Variants in MAP3K7CL observed in about 807,000 individuals in gnomAD.
MAP3K7CL encodes MAP3K7 C-terminal like, also known as MAP3K7 C-terminal-like protein.
A neutral mutation model predicts 18.6 loss-of-function variants in MAP3K7CL; 16 were observed. That is an observed-to-expected ratio of 0.86 (90% CI 0.58 to 1.31). MAP3K7CL has a LOEUF of 1.31. Among genes scored for constraint, MAP3K7CL ranks in the 50% most tolerant of loss-of-function variants. The pLI is 0.00. For synonymous variants in MAP3K7CL, 65 were observed against 66.8 expected, an observed-to-expected ratio of 0.97 and a Z score of 0.13; for missense variants, 163 against 174.4, an observed-to-expected ratio of 0.93 and a Z score of 0.37.
intron 4 of MAP3K7CL, among the ~76,000 whole-genome samples, chr21:29,172,713 A>G (rs749642833): frequency 3.3e-5 from 5 of 151,866 alleles, no homozygotes; most frequent in African/African-American, 4.8e-5. Context: ...TTTGTGTTCA[A>G]TTTTTTTTAA....
chr21:29,085,999 G>C, intron 1 of MAP3K7CL: 1 of 1,488,524 alleles, frequency 6.7e-7, no homozygotes, highest in South Asian at 1.1e-5. Context: ...TGGGAAAAAT[G>C]TAGGAAAGAA....
At chr21:29,147,627 AC>A (rs1221625817) in intron 2 of MAP3K7CL, among the ~76,000 whole-genome samples, 4 of 151,048 alleles carry the variant, frequency 2.6e-5, no homozygotes, top group East Asian at 2.0e-4. Flanking sequence ...ATGTATCTGT[AC>A]TATACCTGTA....
At chr21:29,137,489 G>A (rs1880454218) in intron 2 of MAP3K7CL, among the ~76,000 whole-genome samples, 1 of 152,184 alleles carries the variant, frequency 6.6e-6, no homozygotes. Context: ...AGGGCAGGTA[G>A]AGTATAGAGG....
chr21:29,094,419 G>A (rs1456772534), intron 4 of MAP3K7CL, among the ~76,000 whole-genome samples: 1 of 152,204 alleles, frequency 6.6e-6, no homozygotes, highest in Non-Finnish European at 1.5e-5. Flanking sequence ...GTCTAGGGTG[G>A]GGCCTAAGTA....
chr21:29,096,513 G>T (rs2086124751), intron 4 of MAP3K7CL, among the ~76,000 whole-genome samples: 1 of 152,218 alleles, frequency 6.6e-6, no homozygotes, highest in Admixed American at 6.5e-5. Context: ...TTTAAGCTGA[G>T]ATCTGAAGGC....
At chr21:29,166,882 G>C (rs2087702044) in intron 4 of MAP3K7CL, among the ~76,000 whole-genome samples, 1 of 152,108 alleles carries the variant, frequency 6.6e-6, no homozygotes, top group Non-Finnish European at 1.5e-5. Flanking sequence ...TACAATTTTT[G>C]AGGTAGACCT....
At chr21:29,151,351 G>A (rs1227626838) in intron 3 of MAP3K7CL, among the ~76,000 whole-genome samples, 4 of 151,948 alleles carry the variant, frequency 2.6e-5, no homozygotes, top group Non-Finnish European at 5.9e-5. Context: ...CAGCTACTAG[G>A]GAGGCTGAGG....
intron 4 of MAP3K7CL, among the ~76,000 whole-genome samples, chr21:29,118,603 C>A (rs1601186352): frequency 6.6e-6 from 1 of 152,296 alleles, no homozygotes; most frequent in Non-Finnish European, 1.5e-5. Context: ...AATGACTACA[C>A]AGACAAGGTG....
chr21:29,096,993 C>T (rs2832172), intron 4 of MAP3K7CL, among the ~76,000 whole-genome samples: 26,718 of 152,128 alleles, frequency 0.18, 2,716 homozygotes, highest in South Asian at 0.23. Flanking sequence ...TTTAAAATCT[C>T]GGCTAAGAAC....
chr21:29,091,356 G>T, intron 1 of MAP3K7CL: 111 of 488,374 alleles, frequency 2.3e-4, no homozygotes, highest in Non-Finnish European at 3.2e-4. Context: ...TTAAAAAATA[G>T]AATGTTTTTA....
intron 4 of MAP3K7CL, among the ~76,000 whole-genome samples, chr21:29,112,163 T>C (rs1225812464): frequency 6.6e-6 from 1 of 152,068 alleles, no homozygotes; most frequent in Admixed American, 6.5e-5. Flanking sequence ...CCAGGTGTGG[T>C]GGCGTGCACC....
chr21:29,143,433 T>G (rs954568556), intron 2 of MAP3K7CL, among the ~76,000 whole-genome samples: 6 of 151,972 alleles, frequency 3.9e-5, no homozygotes, highest in African/African-American at 7.3e-5. Context: ...TTTTTTCTTT[T>G]TTTTTTGAGG....
rs1000563902 is a variant in MAP3K7CL, at chr21:29,133,396, A to G, written c.52A>G (p.Ser18Gly). Reference protein sequence around the residue: ...PADKPVRIAFSLNDASDDTPP... With the variant: ...PADKPVRIAFGLNDASDDTPP... ...TGACAAGCCTGTACGCATCGCCTTT[A>G]GCCTCAATGACGCCTCAGGTATACT... The change falls in exon 2 of 5, where the codon AGC becomes GGC. Residue 18 changes from serine (S) to glycine (G), a missense_variant. By Grantham distance (56) the Ser-to-Gly change is moderately conservative. Transcript: ENST00000399928. 7.7e-6 allele frequency: 12 copies of G among 1,549,018 alleles called. No homozygotes were observed. The highest frequency in any genetic ancestry group is 8.7e-6 in the Non-Finnish European group (10 of 1,145,914).
intron 3 of MAP3K7CL, among the ~76,000 whole-genome samples, chr21:29,157,603 A>G (rs1304024069): frequency 2.0e-5 from 3 of 152,248 alleles, no homozygotes; most frequent in Non-Finnish European, 4.4e-5. Flanking sequence ...TAGCATGATC[A>G]TGCTGCTGAA....
chr21:29,164,342 T>G (rs772458059), intron 4 of MAP3K7CL, among the ~76,000 whole-genome samples: 12 of 152,234 alleles, frequency 7.9e-5, no homozygotes, highest in Non-Finnish European at 1.5e-4. Context: ...TTTTTGATGA[T>G]TCTGTTGAGA....
chr21:29,078,208 C>A (rs2085780526), intron 1 of MAP3K7CL, among the ~76,000 whole-genome samples: 1 of 151,852 alleles, frequency 6.6e-6, no homozygotes, highest in Non-Finnish European at 1.5e-5. Flanking sequence ...TCTTATGTTT[C>A]AGTATTTTTC....
chr21:29,115,600 C>T (rs1472422993), intron 4 of MAP3K7CL, among the ~76,000 whole-genome samples: 4 of 152,188 alleles, frequency 2.6e-5, no homozygotes, highest in Non-Finnish European at 5.9e-5. Flanking sequence ...CCCTTTACCT[C>T]CATTTCCCCA....
upstream of MAP3K7CL, among the ~76,000 whole-genome samples, chr21:29,129,946 A>G (rs920034881): frequency 5.3e-5 from 8 of 152,064 alleles, no homozygotes; most frequent in African/African-American, 1.9e-4. Flanking sequence ...TGCCATCTGT[A>G]TATTTTCTGT....
chr21:29,098,073 C>G (rs907502091), intron 4 of MAP3K7CL, among the ~76,000 whole-genome samples: 4 of 152,276 alleles, frequency 2.6e-5, no homozygotes, highest in Middle Eastern at 3.4e-3. Context: ...GCTAGCCATA[C>G]TTCAAGTGCC....
Sources: allele counts gnomAD v4.1 joint callset (sites outside exome capture counted in the v4.1 genomes callset), GRCh38; gene constraint gnomAD v4.1.1; transcripts MANE v1.5; gene names NCBI Gene and HGNC (gene_info 2026-07-23, HGNC 2026-07-21).